ST8SIA1: variants seen among roughly 807,000 people sequenced by gnomAD.
ST8SIA1 encodes the protein ST8 alpha-N-acetyl-neuraminide alpha-2,8-sialyltransferase 1, also known as alpha-N-acetylneuraminide alpha-2,8-sialyltransferase.
Under a neutral mutation model 35.9 loss-of-function variants are expected in ST8SIA1, and 16 were observed. That is an observed-to-expected ratio of 0.45 (90% CI 0.30 to 0.68). The LOEUF is 0.68. Ranked by LOEUF, ST8SIA1 falls within the 30% of genes least tolerant of loss-of-function variation. The pLI is 0.09. For missense variants in ST8SIA1, 383 were observed against 453.6 expected (o/e 0.84, Z 1.41); for synonymous variants, 170 against 169.6 (o/e 1.00, Z -0.02).
chr12:22,251,944 C>A (rs1444930837), intron 3 of ST8SIA1, among the ~76,000 whole-genome samples: 3 of 152,076 alleles, frequency 2.0e-5, no homozygotes, highest in Admixed American at 1.3e-4. Flanking sequence ...CAAAAGGCAC[C>A]AAAATTATGT....
In ST8SIA1 at chr12:22,223,568, T is replaced by G. The variant is rs1865324451; in HGVS notation, c.585-21530A>C. ...GTTAAATGAGGAGACAGGGGCCCATTTTTCAAGCCAGATTCTGATTCAAGC... is the reference window on the plus strand; with the variant it reads ...GTTAAATGAGGAGACAGGGGCCCATGTTTCAAGCCAGATTCTGATTCAAGC... On this transcript the variant is annotated intron_variant, in intron 4 of 4. Coordinates refer to ENST00000396037, the MANE Select transcript of ST8SIA1 (RefSeq NM_003034.4). 3 of 1,047,240 alleles carry G rather than the reference T, an allele frequency of 2.9e-6. No individual in the cohort carries two copies. In the South Asian group the frequency reaches 8.5e-5, roughly 30 times the overall value. 64.9% of individuals were successfully genotyped at this position (1,047,240 alleles called of 1,614,324 possible).
chr12:22,246,134 G>GCTC (rs1466232328), intron 4 of ST8SIA1, among the ~76,000 whole-genome samples: 1 of 152,150 alleles, frequency 6.6e-6, no homozygotes, highest in African/African-American at 2.4e-5. Context: ...TCAGTCAGAA[G>GCTC]CTCCGGAGGC....
chr12:22,257,221 T>C (rs575692182), intron 2 of ST8SIA1, among the ~76,000 whole-genome samples: 5 of 152,032 alleles, frequency 3.3e-5, no homozygotes, highest in African/African-American at 1.2e-4. Flanking sequence ...TTATTATTAT[T>C]ATTTTCTTTT....
intron 1 of ST8SIA1, among the ~76,000 whole-genome samples, chr12:22,297,847 T>G (rs939058581): frequency 1.3e-5 from 2 of 152,166 alleles, no homozygotes; most frequent in Non-Finnish European, 2.9e-5. Context: ...ATGAGTTGAC[T>G]GGTGGCTAGA....
At chr12:22,226,737 A>G (rs74068744) in intron 4 of ST8SIA1, among the ~76,000 whole-genome samples, 1 of 151,808 alleles carries the variant, frequency 6.6e-6, no homozygotes, top group Non-Finnish European at 1.5e-5. Context: ...CATGAACTTT[A>G]TTGCTTTCTT....
At chr12:22,209,775 C>CTT (rs1865157670) in intron 4 of ST8SIA1, among the ~76,000 whole-genome samples, 1 of 152,018 alleles carries the variant, frequency 6.6e-6, no homozygotes, top group Admixed American at 6.6e-5. Flanking sequence ...TTGTTGTATT[C>CTT]TTTTTATATT....
At chr12:22,226,176 C>A (rs2120675169) in intron 4 of ST8SIA1, among the ~76,000 whole-genome samples, 1 of 152,302 alleles carries the variant, frequency 6.6e-6, no homozygotes, top group East Asian at 1.9e-4. Flanking sequence ...AATAACCTTT[C>A]TCAGCCCTCG....
intron 1 of ST8SIA1, among the ~76,000 whole-genome samples, chr12:22,323,989 A>G (rs1866639889): frequency 6.6e-6 from 1 of 152,144 alleles, no homozygotes; most frequent in African/African-American, 2.4e-5. Context: ...TATACTGCAC[A>G]TGTACCCCTG....
chr12:22,223,017 A>T (rs1387221343), intron 4 of ST8SIA1, among the ~76,000 whole-genome samples: 1 of 152,178 alleles, frequency 6.6e-6, no homozygotes, highest in Admixed American at 6.5e-5. Flanking sequence ...ACAGCCATGG[A>T]TATATTTATT....
chr12:22,284,148 C>T (rs1866067610), intron 2 of ST8SIA1, among the ~76,000 whole-genome samples: 2 of 151,644 alleles, frequency 1.3e-5, no homozygotes, highest in South Asian at 4.2e-4. Context: ...CATCTCCCTT[C>T]TTACACTGCA....
chr12:22,211,237 C>A (rs1038381447), intron 4 of ST8SIA1, among the ~76,000 whole-genome samples: 2 of 152,214 alleles, frequency 1.3e-5, no homozygotes, highest in African/African-American at 4.8e-5. Context: ...CTCTCCAAAC[C>A]CTGTCCTGTT....
intron 4 of ST8SIA1, among the ~76,000 whole-genome samples, chr12:22,206,799 T>A (rs1017849556): frequency 6.6e-6 from 1 of 152,034 alleles, no homozygotes; most frequent in South Asian, 2.1e-4. Context: ...GTGTCCAACA[T>A]AAGAGTCAGA....
At chr12:22,234,231 G>T (rs868683427) in intron 4 of ST8SIA1, among the ~76,000 whole-genome samples, 2 of 149,520 alleles carry the variant, frequency 1.3e-5, no homozygotes, top group Middle Eastern at 6.9e-3. Flanking sequence ...CTGCACTCCA[G>T]CCTGAGTGAC....
intron 2 of ST8SIA1, among the ~76,000 whole-genome samples, chr12:22,260,702 T>A (rs1865779647): frequency 1.3e-5 from 2 of 152,138 alleles, no homozygotes; most frequent in Admixed American, 1.3e-4. Context: ...GTGAGGCATT[T>A]ACCATTATCA....
At chr12:22,227,764 G>A (rs769254428) in intron 4 of ST8SIA1, among the ~76,000 whole-genome samples, 5 of 152,050 alleles carry the variant, frequency 3.3e-5, no homozygotes, top group Non-Finnish European at 5.9e-5. Context: ...TTGAGTATTT[G>A]TGCATTTTCT....
chr12:22,301,284 C>T (rs538434200), intron 1 of ST8SIA1, among the ~76,000 whole-genome samples: 1 of 119,022 alleles, frequency 8.4e-6, no homozygotes, highest in African/African-American at 2.9e-5. Flanking sequence ...CTTTCAGGAC[C>T]CATGGAGAGC....
At chr12:22,260,106 G>A (rs1264502728) in intron 2 of ST8SIA1, among the ~76,000 whole-genome samples, 1 of 151,250 alleles carries the variant, frequency 6.6e-6, no homozygotes, top group African/African-American at 2.4e-5. Flanking sequence ...CTAAATGCAA[G>A]GATAGATTAG....
rs182047101 is a variant in ST8SIA1, at chr12:22,291,531, C to T, written c.237-4238G>A. On this transcript the variant is annotated intron_variant, in intron 1 of 4. Coordinates refer to ENST00000396037, the MANE Select transcript of ST8SIA1 (RefSeq NM_003034.4). ...TCCAAATCAATGCCAGTGCTGGCAT[C>T]CCTGAACATGCATGTGACAAATGAT... 3.3e-5 allele frequency among the ~76,000 whole-genome samples: 5 copies of T among 152,316 alleles called. No individual in the cohort carries two copies. In the East Asian group the frequency reaches 9.6e-4, roughly 29 times the overall value.
Position 22,287,142 on chromosome 12 carries a change from T to C in ST8SIA1, c.381+7A>G, listed in dbSNP as rs1412480723. On this transcript the variant is annotated splice_region_variant and intron_variant, in intron 2 of 4. Transcript: ENST00000396037. Reference sequence around the variant, plus strand: ...ACCATACTGAAGGCAACCAACTCTATACTAACCTGTGGGAAGAGAGAGTAA... The same window carrying C: ...ACCATACTGAAGGCAACCAACTCTACACTAACCTGTGGGAAGAGAGAGTAA... 2 of 1,613,396 alleles carry C rather than the reference T, an allele frequency of 1.2e-6. No homozygotes were observed. Among genetic ancestry groups the C allele is most frequent in the Non-Finnish European group, 1.7e-6 (2 of 1,179,572 alleles).
Sources: gnomAD v4.1 joint callset for allele counts (sites outside exome capture counted in the v4.1 genomes callset) on GRCh38, gnomAD v4.1.1 for gene constraint, MANE v1.5 for transcripts, NCBI Gene and HGNC (gene_info 2026-07-23, HGNC 2026-07-21) for gene names.